CAPS2: variants seen among roughly 807,000 people sequenced by gnomAD.
CAPS2 encodes the protein calcyphosin-2.
In CAPS2, 98 loss-of-function variants were observed where a neutral mutation model predicts 86.5. The ratio of observed to expected loss-of-function variants is 1.13; its 90% confidence interval spans 0.96 to 1.34. CAPS2 has a LOEUF of 1.34. Among genes scored for constraint, CAPS2 ranks in the 40% most tolerant of loss-of-function variants. The pLI is 0.00. For missense variants in CAPS2, 729 were observed against 686.8 expected (o/e 1.06, Z -0.69); for synonymous variants, 210 against 225.1 (o/e 0.93, Z 0.60).
intron 1 of CAPS2, among the ~76,000 whole-genome samples, chr12:75,383,421 A>T (rs901036611): frequency 6.6e-6 from 1 of 152,176 alleles, no homozygotes; most frequent in Non-Finnish European, 1.5e-5. Context: ...CAAAACAAGG[A>T]AAGTTATCAG....
At chr12:75,367,268 GAAAAAAAAAA>G (rs35250320) in intron 1 of CAPS2, among the ~76,000 whole-genome samples, 1 of 88,738 alleles carries the variant, frequency 1.1e-5, no homozygotes, top group African/African-American at 4.6e-5. Flanking sequence ...TTCCTAGGAG[GAAAAAAAAAA>G]AAAAAAAAAA....
chr12:75,282,288 T>C (rs2034094368), exon 16 of CAPS2: 3 of 1,607,474 alleles, frequency 1.9e-6, no homozygotes, highest in Non-Finnish European at 2.6e-6. Context: ...CACAGTAACA[T>C]TTTCTTATGT....
intron 1 of CAPS2, among the ~76,000 whole-genome samples, chr12:75,367,844 A>T (rs2044087587): frequency 6.6e-6 from 1 of 152,166 alleles, no homozygotes; most frequent in South Asian, 2.1e-4. Flanking sequence ...TGTTGAGCAT[A>T]AGCTGTAACA....
Position 75,313,239 on chromosome 12 carries a change from C to T in CAPS2, c.592-324G>A, listed in dbSNP as rs561276039. On this transcript the variant is annotated intron_variant, in intron 6 of 16. Coordinates refer to ENST00000393284, the Ensembl canonical transcript of CAPS2. ...GACTATGGCATCCTTCCACTCTATT[C>T]CTCCCCTCAAGAGATGTCCTGCAAA... Among the ~76,000 whole-genome samples, 22 of 152,238 alleles carry T rather than the reference C, an allele frequency of 1.4e-4. No homozygotes were observed. The South Asian group carries it at 2.9e-3, about 20-fold the overall frequency.
rs138367208 is a variant in CAPS2, at chr12:75,363,526, C to A, written c.-395+27312G>T. ...TTGTTATTAGTTATTAGAATAGTGACCCATTCAGAAGTAATTTGTCAGTCA... is the reference window on the plus strand; with the variant it reads ...TTGTTATTAGTTATTAGAATAGTGAACCATTCAGAAGTAATTTGTCAGTCA... On this transcript the variant is annotated intron_variant, in intron 1 of 5. Transcript: ENST00000551829. Among the ~76,000 whole-genome samples the A allele has an allele frequency of 3.9e-3, 586 of 152,142 alleles. 3 individuals are homozygous for A. The highest frequency in any genetic ancestry group is 0.013 in the African/African-American group (533 of 41,508).
intron 1 of CAPS2, among the ~76,000 whole-genome samples, chr12:75,345,521 C>G (rs1353290685): frequency 6.6e-6 from 1 of 152,112 alleles, no homozygotes; most frequent in Non-Finnish European, 1.5e-5. Context: ...TATATAGGGT[C>G]TTAAAGCAAC....
chr12:75,289,572 C>A, intron 14 of CAPS2, 49 bp downstream of exon 14: 1 of 1,512,872 alleles, frequency 6.6e-7, no homozygotes, highest in African/African-American at 1.4e-5. Context: ...AATAATGCCA[C>A]CTAAGAATAA....
intron 7 of CAPS2, among the ~76,000 whole-genome samples, chr12:75,309,496 C>T (rs1565866808): frequency 6.6e-6 from 1 of 152,208 alleles, no homozygotes; most frequent in African/African-American, 2.4e-5. Flanking sequence ...CCCTCTCTGG[C>T]TTTTCCTACT....
exon 17 of CAPS2, chr12:75,278,296 A>C: frequency 1.0e-6 from 1 of 983,746 alleles, no homozygotes; most frequent in South Asian, 4.7e-5. Context: ...AATGAGCATC[A>C]TGGGGTAAAC....
At chr12:75,335,935 T>C (rs1593635140) in intron 1 of CAPS2, among the ~76,000 whole-genome samples, 2 of 151,812 alleles carry the variant, frequency 1.3e-5, no homozygotes, top group Admixed American at 1.3e-4. Flanking sequence ...TAAAAAAGAG[T>C]AAATGTGGGG....
At chr12:75,283,597 A>C (rs1403590558) in intron 15 of CAPS2, among the ~76,000 whole-genome samples, 1 of 152,066 alleles carries the variant, frequency 6.6e-6, no homozygotes, top group East Asian at 1.9e-4. Flanking sequence ...GGATCACCTG[A>C]GGCTTCAGGA....
At chr12:75,389,055 A>G (rs1477820380) in intron 1 of CAPS2, among the ~76,000 whole-genome samples, 1 of 152,166 alleles carries the variant, frequency 6.6e-6, no homozygotes, top group Non-Finnish European at 1.5e-5. Context: ...GGCCTCAGGC[A>G]ATTTGATTTC....
upstream of CAPS2, chr12:75,334,396 G>A: frequency 1.1e-6 from 1 of 911,478 alleles, no homozygotes; most frequent in Middle Eastern, 4.7e-4. Context: ...TAACTTGTGT[G>A]GCTTGCATAT....
intron 11 of CAPS2, chr12:75,298,359 T>C (rs902185092): frequency 2.4e-5 from 6 of 249,482 alleles, no homozygotes; most frequent in African/African-American, 8.7e-5. Flanking sequence ...TTGGGTAATA[T>C]TGAGATAGCC....
chr12:75,369,306 T>C (rs2044199089), intron 1 of CAPS2, among the ~76,000 whole-genome samples: 1 of 151,646 alleles, frequency 6.6e-6, no homozygotes, highest in African/African-American at 2.4e-5. Context: ...TCATTTTTAC[T>C]CATCTTATTT....
rs11836611 is a variant in CAPS2, at chr12:75,301,100, A to G, written c.780-1189T>C. Among the ~76,000 whole-genome samples, 609 of 152,274 alleles carry G rather than the reference A, an allele frequency of 4.0e-3. 9 individuals are homozygous for G. The highest frequency in any genetic ancestry group is 0.013 in the African/African-American group (552 of 41,536). On this transcript the variant is annotated intron_variant, in intron 8 of 16. Transcript: ENST00000393284. ...ATTCTATTTAACAATATAAAGCAAA[A>G]CCAAAACACCCTACTGCCAATAATC...
At chr12:75,324,779 A>G (rs2040611771) in intron 2 of CAPS2, among the ~76,000 whole-genome samples, 1 of 152,114 alleles carries the variant, frequency 6.6e-6, no homozygotes, top group East Asian at 1.9e-4. Context: ...TCAAAATAAC[A>G]TGCAACATAA....
chr12:75,307,261 T>C (rs1273558631), intron 7 of CAPS2, among the ~76,000 whole-genome samples: 1 of 152,216 alleles, frequency 6.6e-6, no homozygotes, highest in Non-Finnish European at 1.5e-5. Context: ...ATACATATTG[T>C]TTAGGAGAGT....
intron 6 of CAPS2, among the ~76,000 whole-genome samples, chr12:75,315,178 G>A (rs910428476): frequency 3.3e-5 from 5 of 152,090 alleles, no homozygotes; most frequent in Non-Finnish European, 5.9e-5. Context: ...TCCTAATAAT[G>A]TAGTTGTAAG....
Sources: gnomAD v4.1 joint callset for allele counts (sites outside exome capture counted in the v4.1 genomes callset) on GRCh38, gnomAD v4.1.1 for gene constraint, MANE v1.5 for transcripts, NCBI Gene and HGNC (gene_info 2026-07-23, HGNC 2026-07-21) for gene names.